EXOC6B: variants seen among roughly 807,000 people sequenced by gnomAD.
EXOC6B encodes exocyst complex component 6B, also known as SEC15 homolog B.
EXOC6B carries 54 observed loss-of-function variants against 113.5 expected under a neutral mutation model. The ratio of observed to expected loss-of-function variants is 0.48; its 90% CI spans 0.38 to 0.60. EXOC6B has a LOEUF of 0.60. Among genes scored for constraint, EXOC6B ranks in the 20% least tolerant of loss-of-function variants. The pLI, the probability that EXOC6B is intolerant of heterozygous loss-of-function variation, is 0.00. For synonymous variants in EXOC6B, 357 were observed against 339.0 expected (o/e 1.05, Z -0.58); for missense variants, 797 against 977.5 (o/e 0.82, Z 2.46).
intron 18 of EXOC6B, among the ~76,000 whole-genome samples, chr2:72,441,347 G>T (rs1263197836): frequency 3.3e-5 from 5 of 151,320 alleles, no homozygotes; most frequent in Non-Finnish European, 7.4e-5. Flanking sequence ...AGAGAACCAA[G>T]AGCAAACAAA....
intron 17 of EXOC6B, among the ~76,000 whole-genome samples, chr2:72,469,335 T>C (rs1165556066): frequency 6.6e-6 from 1 of 152,078 alleles, no homozygotes; most frequent in East Asian, 1.9e-4. Flanking sequence ...TTATTATTAT[T>C]GCTCACTTTA....
intron 6 of EXOC6B, among the ~76,000 whole-genome samples, chr2:72,717,884 T>G (rs4852891): frequency 0.62 from 94,069 of 152,094 alleles, 35,045 homozygotes; most frequent in East Asian, 0.99. Flanking sequence ...CCATCACAAC[T>G]GATCAATATT....
At chr2:72,432,157 C>T (rs1473813377) in intron 18 of EXOC6B, among the ~76,000 whole-genome samples, 1 of 152,140 alleles carries the variant, frequency 6.6e-6, no homozygotes, top group Admixed American at 6.5e-5. Flanking sequence ...CTGCCTCAGC[C>T]TCCCAAGTAG....
intron 20 of EXOC6B, among the ~76,000 whole-genome samples, chr2:72,189,958 C>T (rs560457929): frequency 1.4e-4 from 21 of 146,948 alleles, no homozygotes; most frequent in South Asian, 1.3e-3. Context: ...ACGCCATTCT[C>T]CTGCCTCAGC....
intron 1 of EXOC6B, among the ~76,000 whole-genome samples, chr2:72,788,900 CT>C (rs1477313862): frequency 1.3e-5 from 2 of 152,200 alleles, no homozygotes; most frequent in Non-Finnish European, 2.9e-5. Context: ...TGACCTCATT[CT>C]TTGCTTTAGT....
chr2:72,411,931 A>T (rs1694210854), intron 18 of EXOC6B, among the ~76,000 whole-genome samples: 1 of 152,240 alleles, frequency 6.6e-6, no homozygotes, highest in Non-Finnish European at 1.5e-5. Context: ...AAGTTAGATA[A>T]AATATGTATG....
chr2:72,524,150 T>TAAAAAAAAAAAAAA (rs372964134), intron 8 of EXOC6B, among the ~76,000 whole-genome samples: 1 of 116,758 alleles, frequency 8.6e-6, no homozygotes. Context: ...ATACAGAGTT[T>TAAAAAAAAAAAAAA]AAAAAAAAAA....
At chr2:72,306,997 G>A (rs904043062) in intron 20 of EXOC6B, among the ~76,000 whole-genome samples, 3 of 152,042 alleles carry the variant, frequency 2.0e-5, no homozygotes, top group African/African-American at 7.3e-5. Context: ...TACTTCATAT[G>A]ATAAACTAAA....
chr2:72,733,745 T>C (rs1315360050), intron 2 of EXOC6B, among the ~76,000 whole-genome samples: 8 of 152,214 alleles, frequency 5.3e-5, no homozygotes. Context: ...TATTCACTCT[T>C]GACATTTCAA....
intron 6 of EXOC6B, among the ~76,000 whole-genome samples, chr2:72,688,779 A>G (rs1677276636): frequency 6.6e-6 from 1 of 152,218 alleles, no homozygotes; most frequent in Non-Finnish European, 1.5e-5. Flanking sequence ...AATCACTCTT[A>G]TAAGTTCACT....
chr2:72,601,467 G>A (rs533261800), intron 6 of EXOC6B, among the ~76,000 whole-genome samples: 1 of 152,240 alleles, frequency 6.6e-6, no homozygotes, highest in East Asian at 1.9e-4. Context: ...TTATATGTGT[G>A]AGCCACCGCG....
At chr2:72,498,583 CTAA>C in intron 12 of EXOC6B, 32 bp from the exon 13 acceptor site, 1 of 1,373,024 alleles carries the variant, frequency 7.3e-7, no homozygotes. Flanking sequence ...ACTTCAGTGT[CTAA>C]GGAAGGAGTT....
chr2:72,529,973 C>A (rs938484829), intron 8 of EXOC6B, among the ~76,000 whole-genome samples: 7 of 151,978 alleles, frequency 4.6e-5, no homozygotes, highest in Non-Finnish European at 1.0e-4. Flanking sequence ...TATTGATATT[C>A]CCTGTTTTAG....
At chr2:72,495,312 T>C in intron 15 of EXOC6B, 118 bp downstream of exon 15, 1 of 571,634 alleles carries the variant, frequency 1.7e-6, no homozygotes, top group South Asian at 2.7e-5. Context: ...AGTGAAAAGC[T>C]AATTATTAAG....
At chr2:72,693,514 T>C (rs1371567304) in intron 6 of EXOC6B, among the ~76,000 whole-genome samples, 1 of 152,210 alleles carries the variant, frequency 6.6e-6, no homozygotes, top group African/African-American at 2.4e-5. Context: ...AAGTATAATT[T>C]AGATGACAAA....
At chr2:72,255,078 C>A (rs1274364734) in intron 20 of EXOC6B, among the ~76,000 whole-genome samples, 5 of 152,134 alleles carry the variant, frequency 3.3e-5, no homozygotes, top group African/African-American at 9.7e-5. Flanking sequence ...GGCTGGACAA[C>A]CTTTTGCTGA....
intron 1 of EXOC6B, among the ~76,000 whole-genome samples, chr2:72,798,258 T>C (rs1342802209): frequency 1.3e-5 from 2 of 152,152 alleles, no homozygotes; most frequent in Non-Finnish European, 2.9e-5. Context: ...GAGAATTCAT[T>C]CTGTGTAACT....
At chr2:72,678,292 C>A (rs1676454334) in intron 6 of EXOC6B, among the ~76,000 whole-genome samples, 1 of 152,156 alleles carries the variant, frequency 6.6e-6, no homozygotes, top group African/African-American at 2.4e-5. Context: ...AACACAGTTA[C>A]CAATTTGTGT....
chr2:72,194,936 G>A (rs1215058184), intron 20 of EXOC6B, among the ~76,000 whole-genome samples: 1 of 152,100 alleles, frequency 6.6e-6, no homozygotes, highest in South Asian at 2.1e-4. Context: ...AAGAGGTAGG[G>A]GAAGGCACAA....
Sources: allele counts gnomAD v4.1 joint callset (sites outside exome capture counted in the v4.1 genomes callset), GRCh38; gene constraint gnomAD v4.1.1; transcripts MANE v1.5; gene names NCBI Gene and HGNC (gene_info 2026-07-23, HGNC 2026-07-21).